The following ACMSD variants were observed in gnomAD, a reference collection of about 807,000 sequenced individuals.
ACMSD encodes 2-amino-3-carboxymuconate-6-semialdehyde decarboxylase.
In ACMSD, 37 loss-of-function variants were observed where a neutral mutation model predicts 45.9. The observed-to-expected ratio is 0.81, with a 90% CI of 0.62 to 1.06. The LOEUF is 1.06. Among genes scored for constraint, ACMSD ranks in the 50% least tolerant of loss-of-function variants. ACMSD has a pLI of 0.00. For missense variants in ACMSD, 434 were observed against 420.9 expected, an observed-to-expected ratio of 1.03 and a Z score of -0.27; for synonymous variants, 138 against 148.8, an observed-to-expected ratio of 0.93 and a Z score of 0.53.
At chr2:134,878,131 T>G (rs1688850748) in intron 8 of ACMSD, among the ~76,000 whole-genome samples, 1 of 152,150 alleles carries the variant, frequency 6.6e-6, no homozygotes, top group South Asian at 2.1e-4. Context: ...GACAAGTTCC[T>G]TTGTTCCTCA....
At position 134,862,013 on chromosome 2, in the gene ACMSD, T is replaced by C; in HGVS notation, c.244T>C (p.Tyr82His). 6.2e-7 allele frequency: 1 copy of C among 1,614,160 alleles called. No individual in the cohort carries two copies. The highest frequency in any genetic ancestry group is 8.5e-7 in the Non-Finnish European group (1 of 1,180,008). Residue 82 changes from tyrosine (Y) to histidine (H), a missense_variant, in exon 4 of 10, where the codon TAC (tyrosine) becomes CAC (histidine). Tyr to His is a moderately conservative substitution (Grantham distance 83). Coordinates refer to ENST00000356140, the MANE Select transcript of ACMSD (RefSeq NM_138326.3). ...ALSTVPVMFS[Y>H]WAKPEDTLNL... is the part of the protein sequence containing the mutation. The stretch of plus-strand genomic sequence containing the variant: ...TTCCACAGTTCCTGTCATGTTTAGC[T>C]ACTGGGTGAGTGTGAAACCTCAAGC...
intron 2 of ACMSD, among the ~76,000 whole-genome samples, chr2:134,853,605 G>GT (rs1213993839): frequency 6.6e-6 from 1 of 152,102 alleles, no homozygotes; most frequent in Admixed American, 6.6e-5. Flanking sequence ...CCAGCAGCAA[G>GT]TGCTGACAGA....
intron 8 of ACMSD, among the ~76,000 whole-genome samples, chr2:134,892,025 A>G (rs984720686): frequency 3.9e-5 from 6 of 152,174 alleles, no homozygotes. Flanking sequence ...GGAGCTAAAT[A>G]ATGTGTACAC....
At chr2:134,842,830 G>A (rs1184910267) in intron 1 of ACMSD, among the ~76,000 whole-genome samples, 2 of 152,186 alleles carry the variant, frequency 1.3e-5, no homozygotes, top group African/African-American at 4.8e-5. Context: ...AAAGTCAAGT[G>A]CCTTGTAAGT....
intron 1 of ACMSD, among the ~76,000 whole-genome samples, chr2:134,843,672 C>T (rs1292109029): frequency 6.6e-6 from 1 of 152,194 alleles, no homozygotes; most frequent in East Asian, 1.9e-4. Context: ...GTTCAGTTTG[C>T]TTTACTCGTT....
At chr2:134,869,502 C>T (rs1327500454) in intron 6 of ACMSD, among the ~76,000 whole-genome samples, 5 of 152,040 alleles carry the variant, frequency 3.3e-5, no homozygotes, top group East Asian at 3.9e-4. Context: ...AGTGAACCAC[C>T]GCACCCAGCC....
At chr2:134,892,874 G>A (rs918893116) in intron 8 of ACMSD, among the ~76,000 whole-genome samples, 3 of 152,188 alleles carry the variant, frequency 2.0e-5, no homozygotes, top group Non-Finnish European at 4.4e-5. Context: ...ATAACATGCT[G>A]AGTTTTAATT....
chr2:134,864,050 C>T (rs1307172302), intron 5 of ACMSD, among the ~76,000 whole-genome samples: 1 of 152,078 alleles, frequency 6.6e-6, no homozygotes, highest in African/African-American at 2.4e-5. Context: ...GGGCGGATCA[C>T]TTGAGGCCAG....
intron 3 of ACMSD, among the ~76,000 whole-genome samples, chr2:134,860,128 T>C (rs1303018582): frequency 6.6e-6 from 1 of 152,174 alleles, no homozygotes; most frequent in Non-Finnish European, 1.5e-5. Context: ...CCAGGCATGC[T>C]GGCGCGTGCC....
chr2:134,894,254 T>G (rs1195945621), intron 8 of ACMSD, among the ~76,000 whole-genome samples: 1 of 151,848 alleles, frequency 6.6e-6, no homozygotes, highest in Non-Finnish European at 1.5e-5. Flanking sequence ...GAAAAAAGAT[T>G]CAAATTACTA....
intron 8 of ACMSD, among the ~76,000 whole-genome samples, chr2:134,890,951 T>C (rs1689749905): frequency 6.6e-6 from 1 of 152,046 alleles, no homozygotes; most frequent in South Asian, 2.1e-4. Context: ...ACTATTCATG[T>C]TCTTTGCTCA....
chr2:134,894,766 A>C (rs1689996973), intron 8 of ACMSD, among the ~76,000 whole-genome samples: 1 of 152,120 alleles, frequency 6.6e-6, no homozygotes, highest in Non-Finnish European at 1.5e-5. Flanking sequence ...ACAAAGAAAA[A>C]GCATCTAGAT....
chr2:134,851,455 T>G (rs564773041), intron 2 of ACMSD, among the ~76,000 whole-genome samples: 16 of 146,366 alleles, frequency 1.1e-4, no homozygotes, highest in South Asian at 4.3e-4. Context: ...TTCCCTTTTC[T>G]TTTTTTTTTT....
At chr2:134,860,671 G>A (rs575133133) in intron 3 of ACMSD, among the ~76,000 whole-genome samples, 1 of 152,034 alleles carries the variant, frequency 6.6e-6, no homozygotes, top group Non-Finnish European at 1.5e-5. Context: ...TCTCCAGCAT[G>A]TTGGAATTTG....
intron 2 of ACMSD, among the ~76,000 whole-genome samples, chr2:134,854,976 T>G (rs571622659): frequency 6.6e-6 from 1 of 152,168 alleles, no homozygotes; most frequent in Non-Finnish European, 1.5e-5. Flanking sequence ...TGATTAAGCT[T>G]TCCCAGCAAG....
At chr2:134,841,239 C>T (rs567827416) in intron 1 of ACMSD, among the ~76,000 whole-genome samples, 46 of 152,260 alleles carry the variant, frequency 3.0e-4, no homozygotes, top group Non-Finnish European at 5.4e-4. Flanking sequence ...GCTTGAGACT[C>T]AGAAATGAAC....
chr2:134,863,608 C>T lies in ACMSD; in HGVS notation c.463C>T (p.Gln155Ter), dbSNP rs1191285805. Residue 155 changes from glutamine (Q) to a stop codon, truncating the protein, a stop_gained, in exon 5 of 10, where the codon CAG (glutamine) becomes TAG (stop). Coordinates refer to ENST00000356140, the MANE Select transcript of ACMSD (RefSeq NM_138326.3). LOFTEE classifies it high-confidence loss of function. ...CGTCAACGAGTGGGACCTGAACGCG[C>T]AGGAGCTCTTTCCTGTCTATGCGGT... ...THVNEWDLNA[Q>*]ELFPVYAAAE... 1 of 1,614,068 alleles carries T rather than the reference C, an allele frequency of 6.2e-7. No individual in the cohort carries two copies. The highest frequency in any genetic ancestry group is 8.5e-7 in the Non-Finnish European group (1 of 1,180,030).
At chr2:134,860,856 CAAA>C (rs60233157) in intron 3 of ACMSD, among the ~76,000 whole-genome samples, 7 of 72,454 alleles carry the variant, frequency 9.7e-5, no homozygotes, top group Admixed American at 1.5e-4. Flanking sequence ...CCTGTCTCCA[CAAA>C]AAAAAAAAAA....
chr2:134,845,891 G>A (rs1204577335), intron 2 of ACMSD, among the ~76,000 whole-genome samples: 2 of 152,180 alleles, frequency 1.3e-5, no homozygotes, highest in African/African-American at 4.8e-5. Flanking sequence ...TCCTCTCCGA[G>A]TTCAGAGGGA....
Sources: gnomAD v4.1 joint callset for allele counts (sites outside exome capture counted in the v4.1 genomes callset) on GRCh38, gnomAD v4.1.1 for gene constraint, MANE v1.5 for transcripts, NCBI Gene and HGNC (gene_info 2026-07-23, HGNC 2026-07-21) for gene names.